HIVEP3: variants seen among roughly 807,000 people sequenced by gnomAD.
The protein encoded by HIVEP3 is transcription factor HIVEP3.
Under a neutral mutation model 152.8 loss-of-function variants are expected in HIVEP3, and 49 were observed. The observed-to-expected ratio is 0.32, with a 90% CI of 0.26 to 0.41. The LOEUF is 0.41. Among genes scored for constraint, HIVEP3 ranks in the 10% least tolerant of loss-of-function variants. The pLI, the probability that HIVEP3 is intolerant of heterozygous loss-of-function variation, is 1.00. For synonymous variants in HIVEP3, 1,269 were observed against 1,289.0 expected (o/e 0.98, Z 0.33); for missense variants, 2,790 against 3,103.3 (o/e 0.90, Z 2.40).
chr1:41,861,737 G>GAGTCACTTTGCC (rs1643889867), intron 1 of HIVEP3, among the ~76,000 whole-genome samples: 1 of 152,256 alleles, frequency 6.6e-6, no homozygotes, highest in African/African-American at 2.4e-5. Flanking sequence ...ATCCCACACA[G>GAGTCACTTTGCC]AGAAGCTTGG....
chr1:41,524,618 TG>T, intron 6 of HIVEP3, 116 bp downstream of exon 6: 1 of 950,230 alleles, frequency 1.1e-6, no homozygotes, highest in Non-Finnish European at 1.7e-6. Flanking sequence ...ACCCAGGAAA[TG>T]GGGCTGCTCC....
At chr1:41,595,406 C>A (rs902912569) in intron 3 of HIVEP3, among the ~76,000 whole-genome samples, 4 of 152,182 alleles carry the variant, frequency 2.6e-5, no homozygotes, top group African/African-American at 9.7e-5. Flanking sequence ...CTCTCTCCAT[C>A]CTGCTCTTAC....
At chr1:41,832,982 C>A (rs1178532761) in intron 1 of HIVEP3, among the ~76,000 whole-genome samples, 1 of 152,238 alleles carries the variant, frequency 6.6e-6, no homozygotes, top group Non-Finnish European at 1.5e-5. Context: ...GGGAGTCCAA[C>A]TCCTTCTTAG....
intron 5 of HIVEP3, among the ~76,000 whole-genome samples, chr1:41,545,037 A>ACCACC (rs1558047542): frequency 1.6e-5 from 1 of 63,050 alleles, no homozygotes. Context: ...CACCACCACC[A>ACCACC]ATACCACTAC....
At chr1:41,660,739 AAG>A (rs1483990516) in intron 2 of HIVEP3, among the ~76,000 whole-genome samples, 2 of 152,230 alleles carry the variant, frequency 1.3e-5, no homozygotes, top group African/African-American at 4.8e-5. Context: ...GGGTTGGACA[AAG>A]TTAAAGAGTC....
At chr1:42,011,968 C>T (rs1451969869) in intron 1 of HIVEP3, among the ~76,000 whole-genome samples, 1 of 152,158 alleles carries the variant, frequency 6.6e-6, no homozygotes, top group Non-Finnish European at 1.5e-5. Flanking sequence ...TCCTGGGAAA[C>T]AACAAGAATG....
intron 1 of HIVEP3, among the ~76,000 whole-genome samples, chr1:41,913,657 G>A (rs1644829467): frequency 6.6e-6 from 1 of 152,080 alleles, no homozygotes; most frequent in Non-Finnish European, 1.5e-5. Context: ...TCAGCCTCCT[G>A]AGCAGCTGGC....
In HIVEP3 at chr1:41,854,107, TTCTCTCTCCCTC is replaced by T. The variant is rs1025283451; in HGVS notation, c.-801+64294_-801+64305del. On this transcript the variant is annotated intron_variant, in intron 1 of 8. Coordinates refer to ENST00000372583, the MANE Select transcript of HIVEP3 (RefSeq NM_024503.5). ...CCTCTTGGATGGAGGCAGATCGGCT[TTCTCTCTCCCTC>T]TCTCTCTCCCTCTCTCTGTCCCACC... 2.6e-5 allele frequency among the ~76,000 whole-genome samples: 4 copies of T among 151,714 alleles called. No individual in the cohort carries two copies. In the South Asian group the frequency reaches 8.3e-4, roughly 32 times the overall value.
chr1:42,013,045 G>T (rs575893448), intron 1 of HIVEP3, among the ~76,000 whole-genome samples: 12 of 152,184 alleles, frequency 7.9e-5, no homozygotes, highest in Non-Finnish European at 1.5e-4. Flanking sequence ...ATTGTCTACA[G>T]TTCTGGAGGC....
intron 3 of HIVEP3, among the ~76,000 whole-genome samples, chr1:41,625,383 T>C (rs1645103135): frequency 6.6e-6 from 1 of 152,082 alleles, no homozygotes; most frequent in South Asian, 2.1e-4. Flanking sequence ...CCATAGATAA[T>C]GCATTTAAAA....
intron 1 of HIVEP3, among the ~76,000 whole-genome samples, chr1:41,735,051 T>C (rs1184935209): frequency 6.6e-6 from 1 of 152,188 alleles, no homozygotes; most frequent in Admixed American, 6.5e-5. Context: ...GCCAGTACCA[T>C]GACTTTTTTC....
chr1:41,703,709 A>T (rs564198063), intron 1 of HIVEP3, among the ~76,000 whole-genome samples: 1 of 152,336 alleles, frequency 6.6e-6, no homozygotes, highest in Admixed American at 6.5e-5. Context: ...ATAAATATTT[A>T]TTGGATTGTT....
At chr1:41,650,249 C>T (rs181414790) in intron 2 of HIVEP3, among the ~76,000 whole-genome samples, 1,581 of 152,178 alleles carry the variant, frequency 0.01, 17 homozygotes, top group African/African-American at 0.036. Flanking sequence ...TTTAGACTGG[C>T]GGCCCCACAA....
chr1:41,856,969 G>A (rs762776347), intron 1 of HIVEP3, among the ~76,000 whole-genome samples: 6 of 152,010 alleles, frequency 3.9e-5, no homozygotes, highest in Non-Finnish European at 7.4e-5. Context: ...TAACCACCTA[G>A]GGAGTCTGCT....
At chr1:41,517,191 G>C (rs1477814162) in intron 7 of HIVEP3, among the ~76,000 whole-genome samples, 2 of 152,218 alleles carry the variant, frequency 1.3e-5, no homozygotes, top group East Asian at 1.9e-4. Flanking sequence ...TTAGGTTCAG[G>C]CTCCCCTGGT....
At chr1:41,805,387 TC>T (rs1346584469) in intron 1 of HIVEP3, among the ~76,000 whole-genome samples, 1 of 152,220 alleles carries the variant, frequency 6.6e-6, no homozygotes, top group Admixed American at 6.5e-5. Context: ...TTTTTAATAT[TC>T]CAATTGAGAA....
chr1:41,884,480 G>A (rs1439582149), intron 1 of HIVEP3, among the ~76,000 whole-genome samples: 1 of 152,192 alleles, frequency 6.6e-6, no homozygotes, highest in African/African-American at 2.4e-5. Flanking sequence ...TGCGGCTGAT[G>A]CAGAAGGACG....
intron 5 of HIVEP3, among the ~76,000 whole-genome samples, chr1:41,572,080 T>A (rs1268482416): frequency 6.6e-6 from 1 of 152,140 alleles, no homozygotes; most frequent in Non-Finnish European, 1.5e-5. Context: ...GCTGGGTGTG[T>A]CATCTGAGAT....
intron 1 of HIVEP3, among the ~76,000 whole-genome samples, chr1:41,911,275 A>T (rs1644792082): frequency 6.6e-6 from 1 of 152,226 alleles, no homozygotes; most frequent in South Asian, 2.1e-4. Context: ...CCTCTTTAGT[A>T]ATCAAATGTA....
Sources: allele counts gnomAD v4.1 joint callset (sites outside exome capture counted in the v4.1 genomes callset), GRCh38; gene constraint gnomAD v4.1.1; transcripts MANE v1.5; gene names NCBI Gene and HGNC (gene_info 2026-07-23, HGNC 2026-07-21).